Variants in ST8SIA5 observed in about 807,000 individuals in gnomAD.
ST8SIA5 encodes the protein alpha-2,8-sialyltransferase 8E.
A neutral mutation model predicts 40.2 loss-of-function variants in ST8SIA5; 24 were observed. The ratio of observed to expected loss-of-function variants is 0.60; its 90% CI spans 0.43 to 0.84. The LOEUF (loss-of-function observed/expected upper bound fraction) is 0.84, where lower values mean the gene tolerates loss of function less well. ST8SIA5 is among the 40% of genes least tolerant of loss of function. The probability of loss-of-function intolerance (pLI) is 0.00; values close to 1 mark genes in which losing one functional copy is unlikely to be tolerated. For synonymous variants in ST8SIA5, 198 were observed against 201.8 expected (o/e 0.98, Z 0.16); for missense variants, 465 against 498.5 (o/e 0.93, Z 0.64).
At chr18:46,726,218 A>G (rs2039928242) in intron 1 of ST8SIA5, among the ~76,000 whole-genome samples, 1 of 150,754 alleles carries the variant, frequency 6.6e-6, no homozygotes. Flanking sequence ...AATAAAATAA[A>G]TTTGTAAAAA....
chr18:46,753,615 C>T (rs2040215087), intron 1 of ST8SIA5, among the ~76,000 whole-genome samples: 1 of 152,052 alleles, frequency 6.6e-6, no homozygotes, highest in Non-Finnish European at 1.5e-5. Context: ...AGAGCAAATC[C>T]CCACTGCATG....
chr18:46,693,860 C>T (rs932234258), intron 2 of ST8SIA5, among the ~76,000 whole-genome samples: 1 of 152,240 alleles, frequency 6.6e-6, no homozygotes, highest in Non-Finnish European at 1.5e-5. Flanking sequence ...TTCCCAAGCT[C>T]TCTCTGTCAC....
chr18:46,756,276 C>T (rs2040244534), intron 1 of ST8SIA5, 102 bp downstream of exon 1: 1 of 1,500,412 alleles, frequency 6.7e-7, no homozygotes, highest in Non-Finnish European at 9.0e-7. Flanking sequence ...ACCCCACGGC[C>T]ACTCACCCCG....
chr18:46,694,551 GC>G (rs1169155421), intron 2 of ST8SIA5, among the ~76,000 whole-genome samples: 2 of 152,134 alleles, frequency 1.3e-5, no homozygotes, highest in African/African-American at 2.4e-5. Context: ...CCTGGCTGTG[GC>G]CCACTAAGAA....
intron 2 of ST8SIA5, among the ~76,000 whole-genome samples, chr18:46,702,977 G>A (rs773790817): frequency 2.6e-5 from 4 of 152,158 alleles, no homozygotes; most frequent in East Asian, 1.9e-4. Context: ...TCCAGGAACC[G>A]CTGAGCTATG....
At chr18:46,713,656 G>A (rs986691334) in intron 1 of ST8SIA5, among the ~76,000 whole-genome samples, 1 of 152,146 alleles carries the variant, frequency 6.6e-6, no homozygotes, top group Admixed American at 6.6e-5. Context: ...CCAGGGACAT[G>A]GAAGCTAAGA....
At chr18:46,727,132 G>C (rs1164931345) in intron 1 of ST8SIA5, among the ~76,000 whole-genome samples, 1 of 152,182 alleles carries the variant, frequency 6.6e-6, no homozygotes, top group African/African-American at 2.4e-5. Context: ...TTCAAGACTG[G>C]ATTCAGATAT....
intron 1 of ST8SIA5, among the ~76,000 whole-genome samples, chr18:46,720,734 T>C (rs1266541011): frequency 6.6e-6 from 1 of 152,232 alleles, no homozygotes; most frequent in African/African-American, 2.4e-5. Context: ...GACAGTATCC[T>C]GCCTCATCTG....
intron 1 of ST8SIA5, among the ~76,000 whole-genome samples, chr18:46,722,117 T>A (rs2039869927): frequency 6.6e-6 from 1 of 152,144 alleles, no homozygotes; most frequent in Non-Finnish European, 1.5e-5. Flanking sequence ...AAAAAGCAGA[T>A]CTACTCGCAG....
At chr18:46,751,066 C>T (rs1368733121) in intron 1 of ST8SIA5, among the ~76,000 whole-genome samples, 1 of 152,138 alleles carries the variant, frequency 6.6e-6, no homozygotes, top group Non-Finnish European at 1.5e-5. Flanking sequence ...CTACCATCAC[C>T]ACCATCCATC....
At chr18:46,721,220 G>C (rs930782361) in intron 1 of ST8SIA5, 7 of 704,564 alleles carry the variant, frequency 9.9e-6, no homozygotes, top group Non-Finnish European at 1.7e-5. Flanking sequence ...GAACCAGGTG[G>C]GATACCAAAG....
rs11551413 is a variant in ST8SIA5, at chr18:46,669,573, G to A, written c.*10469C>T. ...CCAGCACACCCCTAGCTGAAGTCCTGACCCTCCTGCCCCACACAATAAGGA... is the reference window on the plus strand; with the variant it reads ...CCAGCACACCCCTAGCTGAAGTCCTAACCCTCCTGCCCCACACAATAAGGA... On this transcript the variant is annotated 3_prime_UTR_variant, in exon 7 of 7. Coordinates refer to ENST00000315087, the MANE Select transcript of ST8SIA5 (RefSeq NM_013305.6). 0.22 allele frequency: 33,832 copies of A among 151,994 alleles called. 4,466 individuals are homozygous for A. The highest frequency in any genetic ancestry group is 0.39 in the Middle Eastern group (113 of 290). 9.4% of individuals were successfully genotyped at this position (151,994 alleles called of 1,614,324 possible). A position where few individuals can be genotyped will look rare whatever the true frequency, so the allele number is the denominator to read the frequency against.
At chr18:46,708,121 T>C (rs2039687630) in intron 1 of ST8SIA5, among the ~76,000 whole-genome samples, 1 of 152,082 alleles carries the variant, frequency 6.6e-6, no homozygotes. Context: ...ACCCCAAAAA[T>C]GCTCATTCCC....
chr18:46,678,424 G>C lies in ST8SIA5; in HGVS notation c.*1618C>G, dbSNP rs550403603. ...CTCCACGTCCCTGACTGGCTCAGCC[G>C]GGGGGCCTGTCAAATGAGGTGATTG... On this transcript the variant is annotated 3_prime_UTR_variant, in exon 7 of 7. Transcript: ENST00000315087. 13 of 152,368 alleles carry C rather than the reference G, an allele frequency of 8.5e-5. No homozygotes were observed. The highest frequency in any genetic ancestry group is 3.1e-4 in the African/African-American group (13 of 41,548). The allele number at this position is 152,368 out of a possible 1,614,324, so 9.4% of individuals were successfully genotyped here.
At chr18:46,728,767 G>A (rs1428037575) in intron 1 of ST8SIA5, among the ~76,000 whole-genome samples, 3 of 152,178 alleles carry the variant, frequency 2.0e-5, no homozygotes, top group African/African-American at 7.2e-5. Context: ...TCATTGCTCT[G>A]CTCTGTTTTT....
chr18:46,738,728 C>A (rs8098541), intron 1 of ST8SIA5, among the ~76,000 whole-genome samples: 11,075 of 152,106 alleles, frequency 0.073, 739 homozygotes, highest in East Asian at 0.31. Flanking sequence ...TGGTCCCAAT[C>A]TCCTGGGGCT....
chr18:46,734,093 C>T (rs926453368), intron 1 of ST8SIA5, among the ~76,000 whole-genome samples: 5 of 152,114 alleles, frequency 3.3e-5, no homozygotes, highest in Non-Finnish European at 7.3e-5. Context: ...CCAGGACCTT[C>T]CCACCCAGAT....
chr18:46,682,090 G>C, intron 5 of ST8SIA5, 26 bp from the exon 6 acceptor site: 1 of 1,583,068 alleles, frequency 6.3e-7, no homozygotes, highest in Non-Finnish European at 8.6e-7. Flanking sequence ...GGCAGCCCAA[G>C]GTGGTTGGTC....
At chr18:46,743,807 G>A (rs745471214) in intron 1 of ST8SIA5, among the ~76,000 whole-genome samples, 4 of 152,178 alleles carry the variant, frequency 2.6e-5, no homozygotes, top group African/African-American at 9.7e-5. Flanking sequence ...GTTAAGGGCA[G>A]CCAGAGAGAA....
Sources: allele counts gnomAD v4.1 joint callset (sites outside exome capture counted in the v4.1 genomes callset), GRCh38; gene constraint gnomAD v4.1.1; transcripts MANE v1.5; gene names NCBI Gene and HGNC (gene_info 2026-07-23, HGNC 2026-07-21).